The following H2BC5 variants were observed in gnomAD, a reference collection of about 807,000 sequenced individuals.
H2BC5 encodes histone H2B type 1-D.
Under a neutral mutation model 5.7 loss-of-function variants are expected in H2BC5, and 9 were observed. The ratio of observed to expected loss-of-function variants is 1.57; its 90% CI spans 0.95 to 2.74. H2BC5 has a LOEUF of 2.74. Among genes scored for constraint, H2BC5 ranks in the 30% most tolerant of loss-of-function variants. The probability of loss-of-function intolerance (pLI) is 0.00; values close to 1 mark genes in which losing one functional copy is unlikely to be tolerated. For synonymous variants in H2BC5, 133 were observed against 70.9 expected (o/e 1.88, Z -4.40); for missense variants, 175 against 168.8 (o/e 1.04, Z -0.20).
At chr6:26,165,765 G>C (rs1241025755) in intron 1 of H2BC5, among the ~76,000 whole-genome samples, 1 of 152,170 alleles carries the variant, frequency 6.6e-6, no homozygotes, top group Admixed American at 6.5e-5. Context: ...TCCCCCCTCT[G>C]TAAGCCATCT....
At chr6:26,171,229 T>C (rs756595948) in exon 2 of H2BC5, 3 of 152,162 alleles carry the variant, frequency 2.0e-5, no homozygotes, top group East Asian at 1.9e-4. Flanking sequence ...GTTACAGACC[T>C]AGTTACTGGG....
Position 26,158,532 on chromosome 6 carries a change from G to A in H2BC5, c.363G>A (p.Lys121=), listed in dbSNP as rs149873224. 27 of 1,614,112 alleles carry A rather than the reference G, an allele frequency of 1.7e-5. No individual in the cohort carries two copies. Among genetic ancestry groups the A allele is most frequent in the Non-Finnish European group, 2.2e-5 (26 of 1,180,054 alleles). ...AVSEGTKAVT[K]YTSSK ...CGGAGGGCACCAAGGCCGTCACCAAGTACACCAGTTCCAAGTAACTTTGCC... is the reference window on the plus strand; with the variant it reads ...CGGAGGGCACCAAGGCCGTCACCAAATACACCAGTTCCAAGTAACTTTGCC... The change falls in exon 1 of 1, where the codon AAG becomes AAA. Residue 121 remains lysine, a synonymous_variant. Transcript: ENST00000377777.
In H2BC5 at chr6:26,158,560, G is replaced by C; in HGVS notation, c.*10G>C. 9 of 1,614,048 alleles carry C rather than the reference G, an allele frequency of 5.6e-6. No individual in the cohort carries two copies. Among genetic ancestry groups the C allele is most frequent in the Non-Finnish European group, 6.8e-6 (8 of 1,179,968 alleles). On this transcript the variant is annotated 3_prime_UTR_variant, in exon 1 of 1. Coordinates refer to ENST00000377777, the MANE Select transcript of H2BC5 (RefSeq NM_021063.4). ...CACCAGTTCCAAGTAACTTTGCCAA[G>C]TAAGCATCTTTACACCTAATCCCAA...
chr6:26,161,497 A>C (rs141930749), downstream of H2BC5, among the ~76,000 whole-genome samples: 3 of 152,298 alleles, frequency 2.0e-5, no homozygotes, highest in East Asian at 5.8e-4. Context: ...AGGGCTGGGC[A>C]AGGTGACTCA....
chr6:26,160,533 AAAAGC>A (rs1343461478), downstream of H2BC5, among the ~76,000 whole-genome samples: 22 of 151,226 alleles, frequency 1.5e-4, no homozygotes, highest in Non-Finnish European at 3.1e-4. Flanking sequence ...AAAAAAAAAA[AAAAGC>A]AACAGACAAT....
intron 1 of H2BC5, among the ~76,000 whole-genome samples, chr6:26,167,049 C>CTTTTTTTTTTTTTTTTTTTTTTTTTTTT (rs149341201): frequency 1.3e-4 from 13 of 97,020 alleles, no homozygotes; most frequent in African/African-American, 2.4e-4. Flanking sequence ...TTTGTTTTCT[C>CTTTTTTTTTTTTTTTTTTTTTTTTTTTT]TTTTTTTTTT....
chr6:26,171,217 C>A (rs2113840088), exon 2 of H2BC5: 1 of 152,236 alleles, frequency 6.6e-6, no homozygotes, highest in East Asian at 1.9e-4. Context: ...GAATTTACTT[C>A]TGTTACAGAC....
At chr6:26,168,327 A>G (rs1221477350) in intron 1 of H2BC5, among the ~76,000 whole-genome samples, 1 of 152,034 alleles carries the variant, frequency 6.6e-6, no homozygotes, top group East Asian at 1.9e-4. Context: ...GCATGGTGGC[A>G]CATGCTCGTA....
Position 26,158,491 on chromosome 6 carries a change from G to A in H2BC5, c.322G>A (p.Ala108Thr). The A allele has an allele frequency of 6.2e-7, 1 of 1,614,240 alleles. No individual in the cohort carries two copies. The highest frequency in any genetic ancestry group is 8.5e-7 in the Non-Finnish European group (1 of 1,180,038). ...AVRLLLPGEL[A>T]KHAVSEGTKA... is the part of the protein sequence containing the mutation. ...GCGCCTGCTGCTTCCGGGGGAGCTG[G>A]CCAAGCACGCCGTGTCGGAGGGCAC... The change falls in exon 1 of 1, where the codon GCC becomes ACC. Residue 108 changes from alanine to threonine, a missense_variant. Ala to Thr is a moderately conservative substitution (Grantham distance 58). This residue lies in a region of H2BC5 where 9 missense variants were observed against 28.5 expected (regional missense o/e 0.32). Transcript: ENST00000377777.
downstream of H2BC5, among the ~76,000 whole-genome samples, chr6:26,159,454 ACCT>A (rs1403452290): frequency 3.3e-5 from 5 of 151,594 alleles, no homozygotes; most frequent in African/African-American, 7.3e-5. Context: ...GGGAAAGAAA[ACCT>A]CCTTCTGGCA....
chr6:26,158,209 G>A lies in H2BC5; in HGVS notation c.40G>A (p.Gly14Ser), dbSNP rs1313502546. ...PTKSAPAPKK[G>S]SKKAVTKAQK... The stretch of plus-strand genomic sequence containing the variant: ...CAAGTCTGCTCCTGCCCCAAAGAAG[G>A]GCTCCAAGAAGGCGGTGACTAAGGC... Residue 14 changes from glycine (G) to serine (S), a missense_variant, in exon 1 of 1, where the codon GGC becomes AGC. Gly to Ser is a moderately conservative substitution (Grantham distance 56). Coordinates refer to ENST00000377777, the MANE Select transcript of H2BC5 (RefSeq NM_021063.4). 2 of 1,614,148 alleles carry A rather than the reference G, an allele frequency of 1.2e-6. No homozygotes were observed. Among genetic ancestry groups the A allele is most frequent in the Non-Finnish European group, 1.7e-6 (2 of 1,180,014 alleles).
downstream of H2BC5, chr6:26,161,327 A>C (rs1183645953): frequency 2.0e-5 from 3 of 152,234 alleles, no homozygotes; most frequent in Non-Finnish European, 4.4e-5. Context: ...ATAAACATGT[A>C]ATTATAAGAC....
downstream of H2BC5, among the ~76,000 whole-genome samples, chr6:26,163,024 T>C (rs146056673): frequency 1.6e-4 from 24 of 152,340 alleles, no homozygotes; most frequent in East Asian, 4.6e-3. Context: ...TATTTGGTCA[T>C]GGTATACTAT....
intron 1 of H2BC5, among the ~76,000 whole-genome samples, chr6:26,167,049 C>CTTTTTTTTTTTTTTTTTTTTTTT (rs149341201): frequency 8.2e-5 from 8 of 97,034 alleles, no homozygotes; most frequent in Admixed American, 2.7e-4. Context: ...TTTGTTTTCT[C>CTTTTTTTTTTTTTTTTTTTTTTT]TTTTTTTTTT....
intron 1 of H2BC5, among the ~76,000 whole-genome samples, chr6:26,165,485 C>T (rs926805885): frequency 5.9e-5 from 9 of 152,042 alleles, no homozygotes; most frequent in African/African-American, 1.9e-4. Flanking sequence ...TGTCAGGCCC[C>T]GTCCTGCCGT....
chr6:26,168,396 TGTG>T (rs1212673175), intron 1 of H2BC5, among the ~76,000 whole-genome samples: 1 of 151,790 alleles, frequency 6.6e-6, no homozygotes, highest in Non-Finnish European at 1.5e-5. Context: ...AGGCAGAGGT[TGTG>T]GTGAGCTGAG....
chr6:26,164,819 C>T (rs1294590856), intron 1 of H2BC5, among the ~76,000 whole-genome samples: 3 of 151,904 alleles, frequency 2.0e-5, no homozygotes, highest in Non-Finnish European at 4.4e-5. Flanking sequence ...CCAGGAGAAC[C>T]GGCACCTTGA....
At chr6:26,168,199 C>A (rs1490183532) in intron 1 of H2BC5, among the ~76,000 whole-genome samples, 1 of 151,972 alleles carries the variant, frequency 6.6e-6, no homozygotes, top group Non-Finnish European at 1.5e-5. Context: ...TGGCTCAAGC[C>A]TGTAATACCA....
rs1191667395 is a variant in H2BC5, at chr6:26,158,232, G to C, written c.63G>C (p.Lys21Asn). Reference protein sequence around the residue: ...PKKGSKKAVTKAQKKDGKKRK... With the variant: ...PKKGSKKAVTNAQKKDGKKRK... ...AGGGCTCCAAGAAGGCGGTGACTAA[G>C]GCTCAGAAGAAGGACGGGAAGAAGC... Residue 21 changes from lysine to asparagine, a missense_variant, in exon 1 of 1, where the codon AAG becomes AAC. Physicochemically the swap from Lys to Asn is moderately conservative, Grantham distance 94 (BLOSUM62 0). Around this residue, in one of 4 missense-constraint regions of H2BC5, gnomAD observed 119 missense variants for 85.6 expected, o/e 1.39. Coordinates refer to ENST00000377777, the MANE Select transcript of H2BC5 (RefSeq NM_021063.4). 1.2e-6 allele frequency: 2 copies of C among 1,614,256 alleles called. No homozygotes were observed. The highest frequency in any genetic ancestry group is 1.1e-5 in the South Asian group (1 of 91,084).
Sources: allele counts gnomAD v4.1 joint callset (sites outside exome capture counted in the v4.1 genomes callset), GRCh38; gene constraint gnomAD v4.1.1; regional missense constraint gnomAD v4.1.1; transcripts MANE v1.5; gene names NCBI Gene and HGNC (gene_info 2026-07-23, HGNC 2026-07-21).